Variants in MAST4 observed in about 807,000 individuals in gnomAD.
The protein encoded by MAST4 is microtubule-associated serine/threonine-protein kinase 4.
MAST4 carries 89 observed loss-of-function variants against 162.7 expected under a neutral mutation model. That is an observed-to-expected ratio of 0.55 (90% CI 0.46 to 0.65). MAST4 has a LOEUF of 0.65. Ranked by LOEUF, MAST4 falls within the 30% of genes least tolerant of loss-of-function variation. The pLI, the probability that MAST4 is intolerant of heterozygous loss-of-function variation, is 0.00. For missense variants in MAST4, 3,153 were observed against 3,374.0 expected (o/e 0.93, Z 1.62); for synonymous variants, 1,479 against 1,361.1 (o/e 1.09, Z -1.91).
intron 5 of MAST4, among the ~76,000 whole-genome samples, chr5:67,076,984 T>C (rs1340484889): frequency 6.6e-6 from 1 of 152,178 alleles, no homozygotes; most frequent in Non-Finnish European, 1.5e-5. Flanking sequence ...TGATACACTC[T>C]ACAGTTGGAG....
intron 1 of MAST4, among the ~76,000 whole-genome samples, chr5:66,655,590 A>C (rs13165968): frequency 6.6e-6 from 1 of 152,068 alleles, no homozygotes; most frequent in Non-Finnish European, 1.5e-5. Flanking sequence ...CTGATTTGCC[A>C]GCAAATACGT....
chr5:66,667,274 C>T (rs983215461), intron 1 of MAST4, among the ~76,000 whole-genome samples: 1 of 152,096 alleles, frequency 6.6e-6, no homozygotes, highest in Non-Finnish European at 1.5e-5. Context: ...AATGTATGGG[C>T]GTTTGATTCA....
chr5:67,145,315 G>A lies in MAST4; in HGVS notation c.3030G>A (p.Glu1010=). ...GAAAGCCAGCCCTTCCTCCTGAAGA[G>A]TGTGCCCAGGAGGAGCCTGAGGTCA... is the stretch of plus-strand genomic sequence containing the variant. ...EPGKPALPPE[E]CAQEEPEVTT... The change falls in exon 23 of 29, where the codon GAG becomes GAA. Residue 1010 remains glutamate (E), a synonymous_variant. Transcript: ENST00000403625. 3.1e-6 allele frequency: 5 copies of A among 1,613,788 alleles called. No homozygotes were observed. The highest frequency in any genetic ancestry group is 4.2e-6 in the Non-Finnish European group (5 of 1,179,880).
chr5:66,973,744 G>C (rs113021809), intron 4 of MAST4, among the ~76,000 whole-genome samples: 1 of 152,054 alleles, frequency 6.6e-6, no homozygotes, highest in Non-Finnish European at 1.5e-5. Flanking sequence ...CTATTAATTG[G>C]TGTTCTTCAG....
Position 66,596,661 on chromosome 5 carries a change from G to A in MAST4, c.6G>A (p.Gly2=). 3 of 1,461,642 alleles carry A rather than the reference G, an allele frequency of 2.1e-6. No homozygotes were observed. Among genetic ancestry groups the A allele is most frequent in the Non-Finnish European group, 2.7e-6 (3 of 1,109,546 alleles). 90.5% of individuals were successfully genotyped at this position (1,461,642 alleles called of 1,614,324 possible). ...ACTTTGGGCCAGACAGGGAAATGGG[G>A]GAGAAAGTTTCGGAGGCGCCAGAGC... M[G]EKVSEAPEPV... is the part of the protein sequence containing the mutation. Residue 2 remains glycine, a synonymous_variant, in exon 1 of 29, where the codon GGG becomes GGA. Coordinates refer to ENST00000403625, the MANE Select transcript of MAST4 (RefSeq NM_001164664.2).
At chr5:66,703,256 T>G (rs767690711) in intron 1 of MAST4, among the ~76,000 whole-genome samples, 13 of 152,150 alleles carry the variant, frequency 8.5e-5, no homozygotes, top group Non-Finnish European at 1.6e-4. Context: ...GACGCTGACA[T>G]GATAAGAGTT....
intron 2 of MAST4, chr5:66,783,312 CATTCTATATTTTCTATTTTT>C (rs1358078051): frequency 6.6e-6 from 1 of 152,062 alleles, no homozygotes; most frequent in African/African-American, 2.4e-5. Context: ...ATTGAGTGTT[CATTCTATATTTTCTATTTTT>C]AGATTTTACA....
At chr5:67,069,881 A>AATGTGTGTGT (rs111874514) in intron 5 of MAST4, among the ~76,000 whole-genome samples, 2 of 142,666 alleles carry the variant, frequency 1.4e-5, no homozygotes, top group African/African-American at 5.3e-5. Flanking sequence ...TTTGAGAGAA[A>AATGTGTGTGT]GTGTGTGTGT....
At chr5:67,081,073 A>C (rs1762587707) in intron 5 of MAST4, among the ~76,000 whole-genome samples, 1 of 75,116 alleles carries the variant, frequency 1.3e-5, no homozygotes, top group Non-Finnish European at 2.3e-5. Flanking sequence ...TATAATATAT[A>C]ATTGTATATA....
intron 4 of MAST4, among the ~76,000 whole-genome samples, chr5:66,908,524 G>GT (rs1422598959): frequency 6.6e-6 from 1 of 152,172 alleles, no homozygotes; most frequent in African/African-American, 2.4e-5. Context: ...TGTTCTTAGA[G>GT]TTTCGGGGGG....
chr5:67,144,514 G>C (rs1386446988), intron 21 of MAST4, among the ~76,000 whole-genome samples, 155 bp from the exon 22 acceptor site: 1 of 151,772 alleles, frequency 6.6e-6, no homozygotes, highest in Non-Finnish European at 1.5e-5. Context: ...TTCCTCTCTG[G>C]ATTCTGGTTA....
intron 1 of MAST4, among the ~76,000 whole-genome samples, chr5:66,741,991 G>T (rs539633520): frequency 1.6e-4 from 25 of 152,210 alleles, no homozygotes; most frequent in Non-Finnish European, 3.2e-4. Context: ...TAGAGCCCTA[G>T]ATTTATTGAA....
chr5:67,014,241 G>A (rs1753023181), intron 4 of MAST4, among the ~76,000 whole-genome samples: 2 of 152,130 alleles, frequency 1.3e-5, no homozygotes, highest in African/African-American at 2.4e-5. Flanking sequence ...ACTGCAAAGG[G>A]CAGGCATGTG....
At chr5:67,138,659 C>A (rs1364399269) in intron 19 of MAST4, among the ~76,000 whole-genome samples, 2 of 152,090 alleles carry the variant, frequency 1.3e-5, no homozygotes, top group Non-Finnish European at 2.9e-5. Context: ...GTCTTGAACT[C>A]CTGGCCTCAA....
intron 5 of MAST4, among the ~76,000 whole-genome samples, chr5:67,063,619 G>T (rs1759890997): frequency 1.4e-5 from 2 of 144,944 alleles, no homozygotes; most frequent in Non-Finnish European, 3.0e-5. Flanking sequence ...AACAAAAGTG[G>T]TAGCAACTTT....
chr5:66,838,092 T>C (rs1019014673), intron 3 of MAST4, among the ~76,000 whole-genome samples: 1 of 151,734 alleles, frequency 6.6e-6, no homozygotes, highest in Admixed American at 6.6e-5. Context: ...AAGGGACCCA[T>C]GGCACTGGTA....
chr5:66,720,349 A>G (rs965097136), intron 1 of MAST4, among the ~76,000 whole-genome samples: 1 of 152,206 alleles, frequency 6.6e-6, no homozygotes, highest in Non-Finnish European at 1.5e-5. Flanking sequence ...TCCATTAAAA[A>G]AAATTTGATA....
chr5:66,742,871 G>A (rs955266393), intron 1 of MAST4, among the ~76,000 whole-genome samples: 6 of 152,196 alleles, frequency 3.9e-5, no homozygotes, highest in Admixed American at 3.9e-4. Flanking sequence ...TCAGAGTACA[G>A]TGTCATCAAG....
intron 2 of MAST4, among the ~76,000 whole-genome samples, chr5:66,780,408 A>G (rs1754806514): frequency 6.6e-6 from 1 of 152,196 alleles, no homozygotes; most frequent in South Asian, 2.1e-4. Flanking sequence ...TACAGTTTTT[A>G]AAGATGGTGT....
Sources: allele counts gnomAD v4.1 joint callset (sites outside exome capture counted in the v4.1 genomes callset), GRCh38; gene constraint gnomAD v4.1.1; transcripts MANE v1.5; gene names NCBI Gene and HGNC (gene_info 2026-07-23, HGNC 2026-07-21).